The following ARL15 variants were observed in gnomAD, a reference collection of about 807,000 sequenced individuals.
ARL15 encodes the protein ADP-ribosylation factor-like protein 15.
A neutral mutation model predicts 25.2 loss-of-function variants in ARL15; 19 were observed. The observed-to-expected ratio is 0.75, with a 90% CI of 0.53 to 1.10. ARL15 has a LOEUF of 1.10. Among genes scored for constraint, ARL15 ranks in the 50% least tolerant of loss-of-function variants. The pLI is 0.00. For missense variants in ARL15, 220 were observed against 246.0 expected, an observed-to-expected ratio of 0.89 and a Z score of 0.71; for synonymous variants, 94 against 86.8, an observed-to-expected ratio of 1.08 and a Z score of -0.46.
At chr5:54,304,282 A>C (rs1299219330) in intron 1 of ARL15, among the ~76,000 whole-genome samples, 4 of 152,244 alleles carry the variant, frequency 2.6e-5, no homozygotes, top group East Asian at 1.9e-4. Context: ...GAACTTGAGG[A>C]AATTACACAA....
intron 4 of ARL15, among the ~76,000 whole-genome samples, chr5:54,084,041 G>T (rs1751881553): frequency 6.6e-6 from 1 of 152,100 alleles, no homozygotes; most frequent in Admixed American, 6.5e-5. Flanking sequence ...GGAACCAAGG[G>T]GCTGAGTCGC....
chr5:53,952,486 C>T (rs1333436039), intron 4 of ARL15, among the ~76,000 whole-genome samples: 5 of 151,950 alleles, frequency 3.3e-5, no homozygotes, highest in East Asian at 3.9e-4. Flanking sequence ...AGGTACAAAA[C>T]GTGCCTTGGG....
At chr5:54,185,091 G>A (rs1196739194) in intron 1 of ARL15, among the ~76,000 whole-genome samples, 6 of 152,088 alleles carry the variant, frequency 3.9e-5, no homozygotes, top group Non-Finnish European at 5.9e-5. Flanking sequence ...AGGAAATAAC[G>A]TCTATAACAG....
At chr5:54,028,814 T>C (rs1171057916) in intron 4 of ARL15, among the ~76,000 whole-genome samples, 1 of 152,016 alleles carries the variant, frequency 6.6e-6, no homozygotes, top group Non-Finnish European at 1.5e-5. Context: ...GAGTTTAAGA[T>C]CAGCACCATC....
chr5:54,117,830 T>C (rs1579816498), intron 3 of ARL15, among the ~76,000 whole-genome samples: 2 of 152,214 alleles, frequency 1.3e-5, no homozygotes, highest in East Asian at 3.8e-4. Flanking sequence ...CAAATGATAG[T>C]ATTTGTTGTC....
At chr5:54,112,049 G>A (rs530892929) in intron 4 of ARL15, among the ~76,000 whole-genome samples, 5 of 152,126 alleles carry the variant, frequency 3.3e-5, no homozygotes, top group East Asian at 3.9e-4. Context: ...AAGGTGCTAC[G>A]TACTTAATGC....
intron 3 of ARL15, among the ~76,000 whole-genome samples, chr5:54,137,317 C>T (rs1015765587): frequency 2.0e-5 from 3 of 152,130 alleles, no homozygotes; most frequent in Admixed American, 6.5e-5. Context: ...ACTCCCTGGA[C>T]GAGATTCCCA....
intron 4 of ARL15, among the ~76,000 whole-genome samples, chr5:54,033,484 A>G (rs902829416): frequency 1.3e-5 from 2 of 152,036 alleles, no homozygotes; most frequent in Non-Finnish European, 2.9e-5. Flanking sequence ...CCTGACCAAC[A>G]TGGTGAAACC....
intron 1 of ARL15, among the ~76,000 whole-genome samples, chr5:54,219,527 G>A (rs1196271676): frequency 6.6e-6 from 1 of 152,100 alleles, no homozygotes; most frequent in East Asian, 1.9e-4. Context: ...CAAAGAAAGA[G>A]ACAGGGAACT....
chr5:54,199,981 C>T (rs1343103962), intron 1 of ARL15, among the ~76,000 whole-genome samples: 1 of 150,852 alleles, frequency 6.6e-6, no homozygotes, highest in Non-Finnish European at 1.5e-5. Flanking sequence ...ATGATGAGTT[C>T]ATGTCCTTTG....
chr5:54,071,363 C>T (rs1751412349), intron 4 of ARL15, among the ~76,000 whole-genome samples: 4 of 151,838 alleles, frequency 2.6e-5, no homozygotes, highest in Admixed American at 2.6e-4. Flanking sequence ...ACACATTGAA[C>T]ATCTCAAATT....
chr5:53,934,191 G>A lies in ARL15; in HGVS notation c.463-47478C>T, dbSNP rs142046235. Among the ~76,000 whole-genome samples the A allele has an allele frequency of 4.7e-3, 719 of 151,922 alleles. 5 individuals are homozygous for A. Among genetic ancestry groups the A allele is most frequent in the Non-Finnish European group, 7.5e-3 (508 of 67,982 alleles). On this transcript the variant is annotated intron_variant, in intron 4 of 4. Transcript: ENST00000504924. Reference sequence around the variant, plus strand: ...CCCTTCATAAAATCTTTAATTATTCGTTACAACAGAATATAATGAGATAAA... The same window carrying A: ...CCCTTCATAAAATCTTTAATTATTCATTACAACAGAATATAATGAGATAAA...
intron 4 of ARL15, among the ~76,000 whole-genome samples, chr5:54,006,786 C>G (rs1001541084): frequency 1.3e-5 from 2 of 152,054 alleles, no homozygotes; most frequent in Admixed American, 1.3e-4. Flanking sequence ...AGTGCATTGT[C>G]CATGTGAAGG....
chr5:54,268,287 G>A (rs1163205681), intron 1 of ARL15, among the ~76,000 whole-genome samples: 5 of 151,726 alleles, frequency 3.3e-5, no homozygotes, highest in Non-Finnish European at 7.4e-5. Context: ...CATTCTTCAC[G>A]TAGTTCTCGA....
At chr5:54,151,718 T>C (rs983226775) in intron 3 of ARL15, among the ~76,000 whole-genome samples, 4 of 145,308 alleles carry the variant, frequency 2.8e-5, no homozygotes, top group African/African-American at 7.5e-5. Flanking sequence ...AAACATATAG[T>C]TTGTCATTAA....
intron 4 of ARL15, among the ~76,000 whole-genome samples, chr5:54,016,829 A>G (rs994019998): frequency 2.6e-5 from 4 of 152,160 alleles, no homozygotes; most frequent in African/African-American, 9.7e-5. Context: ...ACCTTCTAAA[A>G]TATCTTCTCA....
chr5:53,896,122 C>A (rs1194634517), intron 4 of ARL15, among the ~76,000 whole-genome samples: 1 of 152,204 alleles, frequency 6.6e-6, no homozygotes, highest in East Asian at 1.9e-4. Flanking sequence ...CAACCTCCAC[C>A]TCCCAGGTTC....
intron 1 of ARL15, among the ~76,000 whole-genome samples, chr5:54,220,313 C>T (rs561943722): frequency 1.6e-4 from 24 of 152,254 alleles, no homozygotes; most frequent in Non-Finnish European, 2.9e-4. Context: ...CACTCCCCTC[C>T]CCCACCTCTG....
chr5:53,937,112 T>C (rs1183384951), intron 4 of ARL15, among the ~76,000 whole-genome samples: 1 of 152,196 alleles, frequency 6.6e-6, no homozygotes, highest in Non-Finnish European at 1.5e-5. Flanking sequence ...GTAGCAAGCC[T>C]TGCCAAGAGT....
Sources: gnomAD v4.1 joint callset for allele counts (sites outside exome capture counted in the v4.1 genomes callset) on GRCh38, gnomAD v4.1.1 for gene constraint, MANE v1.5 for transcripts, NCBI Gene and HGNC (gene_info 2026-07-23, HGNC 2026-07-21) for gene names.